PPP2R3A: variants seen among roughly 807,000 people sequenced by gnomAD.
The protein encoded by PPP2R3A is serine/threonine-protein phosphatase 2A regulatory subunit B'' subunit alpha.
A neutral mutation model predicts 106.9 loss-of-function variants in PPP2R3A; 80 were observed. That is an observed-to-expected ratio of 0.75 (90% CI 0.62 to 0.90). The LOEUF is 0.90. PPP2R3A is among the 40% of genes least tolerant of loss of function. The probability of loss-of-function intolerance (pLI) is 0.00; values close to 1 mark genes in which losing one functional copy is unlikely to be tolerated. For missense variants in PPP2R3A, 1,386 were observed against 1,350.4 expected (o/e 1.03, Z -0.41); for synonymous variants, 483 against 468.3 (o/e 1.03, Z -0.41).
intron 2 of PPP2R3A, among the ~76,000 whole-genome samples, chr3:136,009,606 T>A (rs1933975528): frequency 6.6e-6 from 1 of 152,198 alleles, no homozygotes; most frequent in African/African-American, 2.4e-5. Flanking sequence ...CAACTAATAC[T>A]GTTAGCATTA....
At chr3:136,094,693 C>T (rs774118945) in intron 10 of PPP2R3A, among the ~76,000 whole-genome samples, 52 of 152,100 alleles carry the variant, frequency 3.4e-4, no homozygotes, top group Non-Finnish European at 6.9e-4. Flanking sequence ...AATACATAAC[C>T]TGAATAGTCA....
chr3:136,100,500 C>A (rs1030782946), intron 10 of PPP2R3A, among the ~76,000 whole-genome samples: 12 of 151,334 alleles, frequency 7.9e-5, no homozygotes, highest in Non-Finnish European at 1.3e-4. Flanking sequence ...TATGGTGAAA[C>A]CCCGTCTCTC....
intron 1 of PPP2R3A, among the ~76,000 whole-genome samples, chr3:135,975,436 T>G (rs1022484068): frequency 1.3e-5 from 2 of 152,196 alleles, no homozygotes; most frequent in Non-Finnish European, 2.9e-5. Flanking sequence ...TCTGTTCTGA[T>G]TTGTTGTTTT....
intron 5 of PPP2R3A, chr3:136,055,394 C>T (rs1052886368): frequency 1.0e-6 from 1 of 983,478 alleles, no homozygotes; most frequent in African/African-American, 1.6e-5. Context: ...TCCTCTGACC[C>T]TCTTATCCCC....
At chr3:136,075,788 G>A (rs1936576404) in intron 6 of PPP2R3A, among the ~76,000 whole-genome samples, 1 of 151,904 alleles carries the variant, frequency 6.6e-6, no homozygotes. Flanking sequence ...AAGAAATAAG[G>A]ACAAAAATCT....
At chr3:136,118,344 C>T (rs778444998) in intron 13 of PPP2R3A, among the ~76,000 whole-genome samples, 12 of 152,278 alleles carry the variant, frequency 7.9e-5, no homozygotes, top group Non-Finnish European at 1.3e-4. Context: ...TCTCACCACT[C>T]GTATTCAACA....
chr3:135,971,628 T>A (rs1937250302), intron 1 of PPP2R3A, among the ~76,000 whole-genome samples: 3 of 152,336 alleles, frequency 2.0e-5, no homozygotes, highest in Non-Finnish European at 4.4e-5. Flanking sequence ...ACTTCATAGC[T>A]GTCATTGGTT....
At chr3:136,006,643 A>G (rs369316377) in intron 2 of PPP2R3A, among the ~76,000 whole-genome samples, 15 of 152,220 alleles carry the variant, frequency 9.9e-5, no homozygotes, top group East Asian at 5.8e-4. Flanking sequence ...TCTTAAGCAA[A>G]TAGAAAAGTA....
chr3:136,144,787 C>T (rs1242295862), intron 13 of PPP2R3A, among the ~76,000 whole-genome samples: 1 of 152,172 alleles, frequency 6.6e-6, no homozygotes, highest in African/African-American at 2.4e-5. Flanking sequence ...CTCCCACCAA[C>T]CACCCTAGGG....
chr3:136,105,649 C>CCTAT (rs1937496167), intron 12 of PPP2R3A, among the ~76,000 whole-genome samples: 1 of 150,682 alleles, frequency 6.6e-6, no homozygotes, highest in African/African-American at 2.5e-5. Flanking sequence ...AGAGTGAGAC[C>CCTAT]CTATCTCTTT....
chr3:136,072,237 A>G (rs1936456595), intron 6 of PPP2R3A, among the ~76,000 whole-genome samples: 1 of 152,192 alleles, frequency 6.6e-6, no homozygotes, highest in Admixed American at 6.5e-5. Context: ...TACCTAGAAT[A>G]TTCCCTGGCA....
At chr3:135,982,861 G>C (rs187817445) in intron 1 of PPP2R3A, among the ~76,000 whole-genome samples, 1 of 152,270 alleles carries the variant, frequency 6.6e-6, no homozygotes, top group East Asian at 1.9e-4. Flanking sequence ...CCCCACTAGA[G>C]GTGGTAATTC....
rs139307846 is a variant in PPP2R3A, at chr3:136,113,591, G to A, written c.3329+7269G>A. Among the ~76,000 whole-genome samples the A allele has an allele frequency of 7.6e-3, 1,155 of 152,234 alleles. 19 individuals carry two copies. The highest frequency in any genetic ancestry group is 0.026 in the African/African-American group (1,091 of 41,530). On this transcript the variant is annotated intron_variant, in intron 13 of 13. Transcript: ENST00000264977. Reference sequence around the variant, plus strand: ...GGATCACTTGAGGCTAGGAGTTCGAGACTAGCCTGGTCAACATGGCAAAAC... The same window carrying A: ...GGATCACTTGAGGCTAGGAGTTCGAAACTAGCCTGGTCAACATGGCAAAAC...
intron 5 of PPP2R3A, among the ~76,000 whole-genome samples, chr3:136,054,253 CTTTTTTTTTTT>C (rs35801926): frequency 7.3e-4 from 59 of 80,760 alleles, no homozygotes; most frequent in Non-Finnish European, 7.9e-4. Context: ...CTTCACAATT[CTTTTTTTTTTT>C]TTTTTTTTTT....
intron 12 of PPP2R3A, among the ~76,000 whole-genome samples, 188 bp from the exon 13 acceptor site, chr3:136,106,028 A>G (rs1937506976): frequency 6.6e-6 from 1 of 152,230 alleles, no homozygotes; most frequent in African/African-American, 2.4e-5. Flanking sequence ...CTAAACAGTT[A>G]TAATTTTGCC....
At chr3:136,075,687 T>C (rs1936571730) in intron 6 of PPP2R3A, among the ~76,000 whole-genome samples, 1 of 152,136 alleles carries the variant, frequency 6.6e-6, no homozygotes, top group East Asian at 1.9e-4. Flanking sequence ...TTTAACACAG[T>C]AATTTCATAA....
intron 5 of PPP2R3A, among the ~76,000 whole-genome samples, chr3:136,051,020 T>C (rs190354102): frequency 2.0e-5 from 3 of 152,210 alleles, no homozygotes; most frequent in Non-Finnish European, 4.4e-5. Flanking sequence ...GGAGTGTTTC[T>C]ATCTAGGCCT....
intron 10 of PPP2R3A, among the ~76,000 whole-genome samples, chr3:136,096,920 G>A (rs939681320): frequency 2.0e-5 from 3 of 152,206 alleles, no homozygotes; most frequent in South Asian, 4.1e-4. Flanking sequence ...AGTGAGCTGC[G>A]ATCATGTCAC....
At chr3:135,994,383 A>G (rs888983354) in intron 1 of PPP2R3A, among the ~76,000 whole-genome samples, 5 of 152,094 alleles carry the variant, frequency 3.3e-5, no homozygotes, top group African/African-American at 9.7e-5. Flanking sequence ...TCAACTTTCT[A>G]TCTTCAGCAG....
Sources: gnomAD v4.1 joint callset for allele counts (sites outside exome capture counted in the v4.1 genomes callset) on GRCh38, gnomAD v4.1.1 for gene constraint, MANE v1.5 for transcripts, NCBI Gene and HGNC (gene_info 2026-07-23, HGNC 2026-07-21) for gene names.